DNAJC1: variants seen among roughly 807,000 people sequenced by gnomAD.
DNAJC1 encodes dnaJ homolog subfamily C member 1.
DNAJC1 carries 58 observed loss-of-function variants against 76.6 expected under a neutral mutation model. The observed-to-expected ratio is 0.76, with a 90% confidence interval of 0.61 to 0.94. DNAJC1 has a LOEUF of 0.94. DNAJC1 is among the 40% of genes least tolerant of loss of function. DNAJC1 has a pLI of 0.00. For synonymous variants in DNAJC1, 258 were observed against 267.9 expected, an observed-to-expected ratio of 0.96 and a Z score of 0.36; for missense variants, 689 against 677.3, an observed-to-expected ratio of 1.02 and a Z score of -0.19.
chr10:21,794,371 TATTGA>T (rs1195007128), intron 9 of DNAJC1, among the ~76,000 whole-genome samples: 1 of 151,662 alleles, frequency 6.6e-6, no homozygotes, highest in Middle Eastern at 3.2e-3. Flanking sequence ...CAGATTTGCA[TATTGA>T]AAACACTGTA....
intron 8 of DNAJC1, among the ~76,000 whole-genome samples, chr10:21,837,296 C>T (rs545997581): frequency 1.4e-4 from 22 of 152,338 alleles, no homozygotes; most frequent in Middle Eastern, 6.8e-3. Context: ...CTTGGCCTCC[C>T]AAAGTGCTGA....
chr10:21,919,761 T>C, intron 5 of DNAJC1, 71 bp downstream of exon 5: 2 of 1,031,608 alleles, frequency 1.9e-6, no homozygotes, highest in Non-Finnish European at 2.9e-6. Flanking sequence ...GACATACATA[T>C]GAAGTTGAAT....
At chr10:21,951,129 G>A (rs1837587611) in intron 1 of DNAJC1, among the ~76,000 whole-genome samples, 1 of 152,174 alleles carries the variant, frequency 6.6e-6, no homozygotes, top group South Asian at 2.1e-4. Context: ...AGACCAGCCT[G>A]ACCAACATGG....
chr10:21,908,047 TATAA>T (rs1397378111), intron 6 of DNAJC1, among the ~76,000 whole-genome samples: 2 of 117,656 alleles, frequency 1.7e-5, no homozygotes, highest in Non-Finnish European at 3.3e-5. Context: ...TAATATAATA[TATAA>T]ATATATATAA....
At chr10:21,904,407 G>T (rs1383071712) in intron 7 of DNAJC1, 115 bp downstream of exon 7, 1 of 504,228 alleles carries the variant, frequency 2.0e-6, no homozygotes, top group African/African-American at 2.2e-5. Context: ...TAGGGAGTGG[G>T]AAAAAAAAAA....
intron 8 of DNAJC1, among the ~76,000 whole-genome samples, chr10:21,843,282 C>A (rs1479552852): frequency 6.6e-6 from 1 of 152,068 alleles, no homozygotes; most frequent in Non-Finnish European, 1.5e-5. Flanking sequence ...TCTGTGAAGT[C>A]CCAGCTTTTA....
intron 7 of DNAJC1, among the ~76,000 whole-genome samples, chr10:21,885,847 G>T (rs183636189): frequency 1.3e-5 from 2 of 152,226 alleles, no homozygotes; most frequent in East Asian, 3.9e-4. Context: ...TGTTAAGAGG[G>T]AAATTCATAG....
At chr10:21,886,539 G>T (rs1394133723) in intron 7 of DNAJC1, among the ~76,000 whole-genome samples, 1 of 152,006 alleles carries the variant, frequency 6.6e-6, no homozygotes, top group Non-Finnish European at 1.5e-5. Context: ...AAAAACTTCA[G>T]TTCAACATCC....
intron 9 of DNAJC1, among the ~76,000 whole-genome samples, chr10:21,769,883 T>C (rs1181168979): frequency 6.6e-6 from 1 of 152,026 alleles, no homozygotes. Flanking sequence ...ATGGGGTTTC[T>C]CCATGTTGGT....
chr10:21,772,193 T>C (rs1834387783), intron 9 of DNAJC1, among the ~76,000 whole-genome samples: 1 of 152,070 alleles, frequency 6.6e-6, no homozygotes, highest in South Asian at 2.1e-4. Flanking sequence ...TGGTCTGTAG[T>C]TTTCTTGTGA....
intron 1 of DNAJC1, among the ~76,000 whole-genome samples, chr10:21,942,603 G>A (rs192403521): frequency 2.5e-3 from 387 of 151,940 alleles, no homozygotes; most frequent in Non-Finnish European, 4.7e-3. Context: ...TAAGGAGATC[G>A]AGACCTTCCT....
At chr10:21,951,262 G>C (rs918463503) in intron 1 of DNAJC1, among the ~76,000 whole-genome samples, 5 of 151,990 alleles carry the variant, frequency 3.3e-5, no homozygotes, top group South Asian at 2.1e-4. Flanking sequence ...AGAGGTTGCA[G>C]TGAGCTGAGA....
chr10:21,938,130 TA>T (rs1837343650), intron 1 of DNAJC1, among the ~76,000 whole-genome samples: 1 of 152,204 alleles, frequency 6.6e-6, no homozygotes, highest in Non-Finnish European at 1.5e-5. Context: ...TGGAAGATTT[TA>T]ATTCATTAAT....
chr10:21,766,613 T>C (rs1224440278), intron 9 of DNAJC1, among the ~76,000 whole-genome samples: 2 of 152,136 alleles, frequency 1.3e-5, no homozygotes, highest in Non-Finnish European at 2.9e-5. Flanking sequence ...TTTTCATTTT[T>C]ATTTTTTTTT....
At chr10:21,925,540 G>T (rs1837113544) in intron 3 of DNAJC1, among the ~76,000 whole-genome samples, 1 of 152,092 alleles carries the variant, frequency 6.6e-6, no homozygotes, top group South Asian at 2.1e-4. Context: ...CAACCCACAT[G>T]TCCATCAACT....
At position 21,872,996 on chromosome 10, in the gene DNAJC1, C is replaced by T. The variant is rs112253778; in HGVS notation, c.978+9286G>A. On this transcript the variant is annotated intron_variant, in intron 8 of 11. Transcript: ENST00000376980. ...GTTAAAGAACGACCCCTGACCTAAC[C>T]GGTTATGTTATCTATAGATGCCAGA... 2.3e-3 allele frequency among the ~76,000 whole-genome samples: 355 copies of T among 152,298 alleles called. 2 individuals carry two copies. The highest frequency in any genetic ancestry group is 3.4e-3 in the Middle Eastern group (1 of 294).
intron 2 of DNAJC1, 82 bp downstream of exon 2, chr10:21,928,958 C>A: frequency 2.4e-6 from 2 of 821,188 alleles, no homozygotes; most frequent in Non-Finnish European, 1.8e-6. Flanking sequence ...TGAAAATATT[C>A]CATATATAAG....
intron 8 of DNAJC1, among the ~76,000 whole-genome samples, chr10:21,848,488 G>A (rs1271410841): frequency 6.6e-6 from 1 of 151,958 alleles, no homozygotes; most frequent in Non-Finnish European, 1.5e-5. Context: ...CTGTGCTTTT[G>A]AGGTCTTACC....
intron 11 of DNAJC1, among the ~76,000 whole-genome samples, chr10:21,756,967 G>A (rs1444185095): frequency 6.6e-6 from 1 of 152,226 alleles, no homozygotes; most frequent in Non-Finnish European, 1.5e-5. Flanking sequence ...CCAAAGGGAA[G>A]GTGCTTGGCG....
Sources: gnomAD v4.1 joint callset for allele counts (sites outside exome capture counted in the v4.1 genomes callset) on GRCh38, gnomAD v4.1.1 for gene constraint, MANE v1.5 for transcripts, NCBI Gene and HGNC (gene_info 2026-07-23, HGNC 2026-07-21) for gene names.